Variants in SLC25A31 observed in about 807,000 individuals in gnomAD.
The protein encoded by SLC25A31 is ADP/ATP translocase 4.
In SLC25A31, 40 loss-of-function variants were observed where a neutral mutation model predicts 36.2. That is an observed-to-expected ratio of 1.10 (90% confidence interval 0.86 to 1.44). The LOEUF (loss-of-function observed/expected upper bound fraction) is 1.44, where lower values mean the gene tolerates loss of function less well. Among genes scored for constraint, SLC25A31 ranks in the 40% most tolerant of loss-of-function variants. The pLI is 0.00. For synonymous variants in SLC25A31, 143 were observed against 149.7 expected (o/e 0.96, Z 0.32); for missense variants, 350 against 397.1 (o/e 0.88, Z 1.01).
At chr4:127,752,929 C>G (rs1005345416) in intron 2 of SLC25A31, among the ~76,000 whole-genome samples, 3 of 152,126 alleles carry the variant, frequency 2.0e-5, no homozygotes, top group Admixed American at 2.0e-4. Context: ...CTATCCAAAA[C>G]CTGCAGAATA....
In SLC25A31 at chr4:127,744,801, T is replaced by C. The variant is rs1220369692; in HGVS notation, c.360+2T>C. On this transcript the variant is annotated splice_donor_variant, in intron 2 of 5. Coordinates refer to ENST00000281154, the MANE Select transcript of SLC25A31 (RefSeq NM_031291.4). LOFTEE classifies it high-confidence loss of function. ...TCTGGAGTTAATAAAGAAAAACAGG[T>C]AATTATATTTTTTTTTTACTTTTTT... The C allele has an allele frequency of 6.8e-7, 1 of 1,481,418 alleles. No homozygotes were observed. Among genetic ancestry groups the C allele is most frequent in the East Asian group, 2.3e-5 (1 of 43,412 alleles). 91.8% of individuals were successfully genotyped at this position (1,481,418 alleles called of 1,614,324 possible).
intron 2 of SLC25A31, among the ~76,000 whole-genome samples, chr4:127,757,787 A>G (rs747010960): frequency 5.9e-5 from 9 of 152,204 alleles, no homozygotes; most frequent in Non-Finnish European, 1.3e-4. Context: ...TGACTGACAT[A>G]TATCATTTTA....
At chr4:127,749,395 G>A (rs977809970) in intron 2 of SLC25A31, among the ~76,000 whole-genome samples, 2 of 152,052 alleles carry the variant, frequency 1.3e-5, no homozygotes, top group South Asian at 2.1e-4. Flanking sequence ...ATGTATGGAC[G>A]TCCAGATTCA....
At chr4:127,772,517 T>C (rs1482259785) in intron 5 of SLC25A31, among the ~76,000 whole-genome samples, 1 of 152,132 alleles carries the variant, frequency 6.6e-6, no homozygotes, top group Non-Finnish European at 1.5e-5. Flanking sequence ...TTTTGTGCTG[T>C]TGTGTGTGTT....
chr4:127,735,165 T>G (rs1256036032), intron 1 of SLC25A31, among the ~76,000 whole-genome samples: 1 of 152,208 alleles, frequency 6.6e-6, no homozygotes, highest in African/African-American at 2.4e-5. Flanking sequence ...TATTTCATCA[T>G]TCACATGACA....
At chr4:127,737,925 A>T (rs1312226008) in intron 1 of SLC25A31, among the ~76,000 whole-genome samples, 1 of 143,026 alleles carries the variant, frequency 7.0e-6, no homozygotes, top group Non-Finnish European at 1.5e-5. Flanking sequence ...CAGAATTATA[A>T]CTAATAACTC....
chr4:127,761,489 G>T (rs1372247033), intron 2 of SLC25A31, among the ~76,000 whole-genome samples: 1 of 152,010 alleles, frequency 6.6e-6, no homozygotes, highest in Non-Finnish European at 1.5e-5. Context: ...GCACCTCTAC[G>T]GACCAAACTA....
At chr4:127,734,973 G>A (rs1047928391) in intron 1 of SLC25A31, among the ~76,000 whole-genome samples, 7 of 152,048 alleles carry the variant, frequency 4.6e-5, no homozygotes, top group African/African-American at 1.4e-4. Context: ...ATATATTATT[G>A]TTTATGTTTG....
At chr4:127,735,807 C>CAAA (rs34015425) in intron 1 of SLC25A31, among the ~76,000 whole-genome samples, 2 of 105,448 alleles carry the variant, frequency 1.9e-5, no homozygotes, top group East Asian at 2.8e-4. Context: ...ACCTCCCCTG[C>CAAA]AAAAAAAAAA....
intron 2 of SLC25A31, among the ~76,000 whole-genome samples, chr4:127,756,329 G>A (rs964479761): frequency 2.0e-4 from 31 of 152,158 alleles, no homozygotes; most frequent in African/African-American, 7.2e-4. Flanking sequence ...GGTGCAGAAA[G>A]ACAAATACTG....
intron 2 of SLC25A31, among the ~76,000 whole-genome samples, chr4:127,754,674 G>A (rs1017131662): frequency 1.6e-4 from 24 of 151,924 alleles, no homozygotes; most frequent in African/African-American, 5.1e-4. Flanking sequence ...GTAGAGGAAC[G>A]CACAAGTAAC....
chr4:127,765,740 TAGAAG>T (rs1732228725), intron 3 of SLC25A31, among the ~76,000 whole-genome samples: 1 of 152,192 alleles, frequency 6.6e-6, no homozygotes, highest in African/African-American at 2.4e-5. Context: ...GGAAAAAAGT[TAGAAG>T]AGAGTGATAG....
In SLC25A31 at chr4:127,767,101, T is replaced by C. The variant is rs1451063496; in HGVS notation, c.514T>C (p.Cys172Arg). 3 of 1,613,524 alleles carry C rather than the reference T, an allele frequency of 1.9e-6. No individual in the cohort carries two copies. In the East Asian group the frequency reaches 6.7e-5, roughly 36 times the overall value. The change falls in exon 4 of 6, where the codon TGT becomes CGT. Residue 172 changes from cysteine (C) to arginine (R), a missense_variant. By Grantham distance (180) the Cys-to-Arg change is radical. Coordinates refer to ENST00000281154, the MANE Select transcript of SLC25A31 (RefSeq NM_031291.4). ...EERQFKGLGDCIMKIAKSDGI... is the reference protein window; with the variant it reads ...EERQFKGLGDRIMKIAKSDGI... The stretch of plus-strand genomic sequence containing the variant: ...GCGACAATTCAAGGGTTTAGGTGAC[T>C]GTATTATGAAAATAGCAAAATCAGA...
chr4:127,760,350 T>C lies in SLC25A31; in HGVS notation c.361-3893T>C, dbSNP rs1578667948. Among the ~76,000 whole-genome samples, 5 of 152,336 alleles carry C rather than the reference T, an allele frequency of 3.3e-5. 1 individual carries two copies. The South Asian group carries it at 1.0e-3, about 32-fold the overall frequency. On this transcript the variant is annotated intron_variant, in intron 2 of 5. Coordinates refer to ENST00000281154, the MANE Select transcript of SLC25A31 (RefSeq NM_031291.4). Reference sequence around the variant, plus strand: ...ATCTTCACTTCACTCTTTGAGGTAATTATTTTTACCCAGAAGGTACAGATA... The same window carrying C: ...ATCTTCACTTCACTCTTTGAGGTAACTATTTTTACCCAGAAGGTACAGATA...
intron 1 of SLC25A31, among the ~76,000 whole-genome samples, 169 bp downstream of exon 1, chr4:127,730,946 G>A (rs894857704): frequency 1.3e-5 from 2 of 152,198 alleles, no homozygotes; most frequent in Non-Finnish European, 2.9e-5. Context: ...AACCTAACAG[G>A]CTCTGCTTTT....
At chr4:127,751,809 C>T (rs1038827278) in intron 2 of SLC25A31, among the ~76,000 whole-genome samples, 1 of 152,094 alleles carries the variant, frequency 6.6e-6, no homozygotes, top group Non-Finnish European at 1.5e-5. Context: ...CCAACAGACA[C>T]ATGAAAAAAT....
In SLC25A31 at chr4:127,772,786, C is replaced by CT. The variant is rs750539361; in HGVS notation, c.760-587dup. 3.9e-3 allele frequency among the ~76,000 whole-genome samples: 508 copies of CT among 131,346 alleles called. 6 individuals carry two copies. Among genetic ancestry groups the CT allele is most frequent in the African/African-American group, 9.6e-3 (345 of 35,822 alleles). The allele number at this position is 131,346 out of a possible 152,430, so 86.2% of individuals were successfully genotyped here. On this transcript the variant is annotated intron_variant, in intron 5 of 5. Coordinates refer to ENST00000281154, the MANE Select transcript of SLC25A31 (RefSeq NM_031291.4). ...CAACATATGATTTCTTTTTTTTTTT[C>CT]TTTTTTTTTTTTTGAGACAGGGTCT...
intron 3 of SLC25A31, among the ~76,000 whole-genome samples, chr4:127,765,906 T>A (rs1264318746): frequency 1.3e-5 from 2 of 152,152 alleles, no homozygotes; most frequent in Non-Finnish European, 2.9e-5. Flanking sequence ...TTGCTTTAAG[T>A]TCCATAGTTT....
chr4:127,735,544 C>T (rs1044108148), intron 1 of SLC25A31, among the ~76,000 whole-genome samples: 3 of 152,040 alleles, frequency 2.0e-5, no homozygotes, highest in African/African-American at 7.2e-5. Context: ...ATGTAAGCTC[C>T]ATAAGATCAG....
Sources: gnomAD v4.1 joint callset for allele counts (sites outside exome capture counted in the v4.1 genomes callset) on GRCh38, gnomAD v4.1.1 for gene constraint, MANE v1.5 for transcripts, NCBI Gene and HGNC (gene_info 2026-07-23, HGNC 2026-07-21) for gene names.